Variants in AGPAT3 observed in about 807,000 individuals in gnomAD.
The protein encoded by AGPAT3 is 1-acylglycerol-3-phosphate O-acyltransferase 3, also known as 1-acyl-sn-glycerol-3-phosphate acyltransferase gamma.
AGPAT3 carries 5 observed loss-of-function variants against 47.3 expected under a neutral mutation model. The observed-to-expected ratio is 0.11, with a 90% confidence interval of 0.06 to 0.22. AGPAT3 has a LOEUF of 0.22. Among genes scored for constraint, AGPAT3 ranks in the 10% least tolerant of loss-of-function variants. The pLI is 1.00. For synonymous variants in AGPAT3, 212 were observed against 208.3 expected (o/e 1.02, Z -0.15); for missense variants, 315 against 493.0 (o/e 0.64, Z 3.42).
At chr21:43,960,737 G>C (rs534126551) in intron 3 of AGPAT3, 3 of 985,328 alleles carry the variant, frequency 3.0e-6, no homozygotes, top group Admixed American at 1.2e-4. Context: ...CATCTTGCCC[G>C]TACAGTTTTA....
At position 43,984,230 on chromosome 21, in the gene AGPAT3, C is replaced by G. The variant is rs1012786500; in HGVS notation, c.*1838C>G. ...TCATCCCTCCACCCGCCCACTCGGGCAGCTGTGCCGTGGGCAGGGCATGCG... is the reference window on the plus strand; with the variant it reads ...TCATCCCTCCACCCGCCCACTCGGGGAGCTGTGCCGTGGGCAGGGCATGCG... On this transcript the variant is annotated 3_prime_UTR_variant, in exon 10 of 10. Transcript: ENST00000291572. 1 of 152,328 alleles carries G rather than the reference C, an allele frequency of 6.6e-6. No individual in the cohort carries two copies. The highest frequency in any genetic ancestry group is 2.4e-5 in the African/African-American group (1 of 41,472). The allele number at this position is 152,328 out of a possible 1,614,324, so 9.4% of individuals were successfully genotyped here.
chr21:43,940,309 G>A (rs572347961), intron 2 of AGPAT3, among the ~76,000 whole-genome samples: 28 of 152,366 alleles, frequency 1.8e-4, no homozygotes, highest in African/African-American at 6.3e-4. Flanking sequence ...GCTGGCGGTG[G>A]CTTTGGCCTA....
At chr21:43,956,626 C>T (rs1264298380) in intron 2 of AGPAT3, among the ~76,000 whole-genome samples, 1 of 152,210 alleles carries the variant, frequency 6.6e-6, no homozygotes, top group East Asian at 1.9e-4. Context: ...AGTACAACTC[C>T]TTAACCCCAC....
chr21:43,899,067 C>T lies in AGPAT3; in HGVS notation c.-111-4890C>T, dbSNP rs74694587. The stretch of plus-strand genomic sequence containing the variant: ...CACACTTGCCGCTCTCTTTCCTTTA[C>T]GTTTTGCATCTCAGACTTCCCATCT... On this transcript the variant is annotated intron_variant, in intron 1 of 9. Transcript: ENST00000291572. 9.0e-3 allele frequency among the ~76,000 whole-genome samples: 1,370 copies of T among 152,298 alleles called. 23 individuals carry two copies. The highest frequency in any genetic ancestry group is 0.031 in the African/African-American group (1,283 of 41,558).
intron 2 of AGPAT3, among the ~76,000 whole-genome samples, chr21:43,911,329 A>T (rs1307945399): frequency 6.6e-6 from 1 of 152,258 alleles, no homozygotes; most frequent in Non-Finnish European, 1.5e-5. Context: ...GTCTACTAGA[A>T]CCCGAGTGTG....
chr21:43,867,859 G>C (rs1161446015), intron 1 of AGPAT3: 1 of 152,116 alleles, frequency 6.6e-6, no homozygotes, highest in Non-Finnish European at 1.5e-5. Context: ...AATTTCATGG[G>C]AATTTACTTT....
intron 2 of AGPAT3, among the ~76,000 whole-genome samples, chr21:43,921,102 G>C (rs1410222184): frequency 6.6e-6 from 1 of 152,190 alleles, no homozygotes; most frequent in African/African-American, 2.4e-5. Context: ...AACAGAGCAA[G>C]ACTCTGCCTC....
intron 2 of AGPAT3, 115 bp from the exon 3 acceptor site, chr21:43,959,519 G>T: frequency 1.1e-6 from 1 of 892,114 alleles, no homozygotes; most frequent in Non-Finnish European, 1.7e-6. Flanking sequence ...GTGCTGTGCA[G>T]CATGTGTGTA....
intron 1 of AGPAT3, among the ~76,000 whole-genome samples, chr21:43,894,784 C>T (rs148810208): frequency 2.2e-4 from 33 of 152,162 alleles, no homozygotes; most frequent in African/African-American, 7.0e-4. Context: ...GGAATTTGTC[C>T]ATTTAACTTT....
At chr21:43,944,329 G>A (rs73906678) in intron 2 of AGPAT3, among the ~76,000 whole-genome samples, 1 of 152,240 alleles carries the variant, frequency 6.6e-6, no homozygotes, top group Non-Finnish European at 1.5e-5. Flanking sequence ...GGGGCCACAC[G>A]TCCCTCCCCC....
intron 1 of AGPAT3, among the ~76,000 whole-genome samples, chr21:43,883,372 T>C (rs1409652687): frequency 6.6e-6 from 1 of 152,208 alleles, no homozygotes; most frequent in Admixed American, 6.5e-5. Context: ...TCTGAGCCTC[T>C]TGGACAACAT....
intron 1 of AGPAT3, among the ~76,000 whole-genome samples, chr21:43,899,158 G>A (rs2086294966): frequency 1.6e-5 from 1 of 62,918 alleles, no homozygotes; most frequent in Non-Finnish European, 2.7e-5. Context: ...TGTGCTGGTG[G>A]CGAACCCGCC....
At chr21:43,887,016 C>T (rs1207651378) in intron 1 of AGPAT3, among the ~76,000 whole-genome samples, 3 of 152,194 alleles carry the variant, frequency 2.0e-5, no homozygotes, top group Admixed American at 1.3e-4. Flanking sequence ...TGAGGAACCT[C>T]CAAACTGCTC....
Position 43,908,690 on chromosome 21 carries a change from T to C in AGPAT3, c.-49+4671T>C, listed in dbSNP as rs958777006. Among the ~76,000 whole-genome samples, 2 of 152,196 alleles carry C rather than the reference T, an allele frequency of 1.3e-5. No individual in the cohort carries two copies. Among genetic ancestry groups the C allele is most frequent in the African/African-American group, 4.8e-5 (2 of 41,446 alleles). On this transcript the variant is annotated intron_variant, in intron 2 of 9. Coordinates refer to ENST00000291572, the MANE Select transcript of AGPAT3 (RefSeq NM_020132.5). The surrounding 1 kb of genome is among the most constrained non-coding windows in gnomAD (Gnocchi z 4.9). ...TGAAATGCCAGCAGCTTCTAAAACC[T>C]TTGGGTTCTTTAAGAAAAGGCTAAT...
intron 2 of AGPAT3, among the ~76,000 whole-genome samples, chr21:43,914,608 G>A (rs974497276): frequency 2.6e-5 from 4 of 152,010 alleles, no homozygotes; most frequent in African/African-American, 7.3e-5. Flanking sequence ...GGAGTGCAGT[G>A]GTGCGATCTT....
In AGPAT3 at chr21:43,920,600, C is replaced by T. The variant is rs921587982; in HGVS notation, c.-49+16581C>T. Among the ~76,000 whole-genome samples the T allele has an allele frequency of 9.2e-5, 14 of 152,146 alleles. No individual in the cohort carries two copies. Among genetic ancestry groups the T allele is most frequent in the African/African-American group, 2.7e-4 (11 of 41,508 alleles). On this transcript the variant is annotated intron_variant, in intron 2 of 9. Transcript: ENST00000291572. This position sits in a 1 kb window ranked among gnomAD's most constrained non-coding sequence, Gnocchi z 6.1. ...GGACCTCTGGGGAGGGGAGGGAGCC[C>T]GCAGAGGTGGAGTGGATCACCAGTG...
chr21:43,976,317 G>A (rs2089620205), intron 7 of AGPAT3, among the ~76,000 whole-genome samples: 1 of 143,342 alleles, frequency 7.0e-6, no homozygotes, highest in Non-Finnish European at 1.5e-5. Flanking sequence ...TGCCTGCCTT[G>A]GCCTCTCGAG....
intron 3 of AGPAT3, among the ~76,000 whole-genome samples, chr21:43,962,945 G>A (rs2088946882): frequency 1.3e-5 from 2 of 151,970 alleles, no homozygotes; most frequent in Admixed American, 1.3e-4. Context: ...CTCTCAGTGA[G>A]AACTGTAGAT....
chr21:43,917,330 G>A (rs2086755031), intron 2 of AGPAT3, among the ~76,000 whole-genome samples: 1 of 152,154 alleles, frequency 6.6e-6, no homozygotes, highest in African/African-American at 2.4e-5. Context: ...CCTCCCTCCG[G>A]GTCTCTGCTG....
Sources: allele counts gnomAD v4.1 joint callset (sites outside exome capture counted in the v4.1 genomes callset), GRCh38; gene constraint gnomAD v4.1.1; non-coding constraint Gnocchi (gnomAD v3.1); transcripts MANE v1.5; gene names NCBI Gene and HGNC (gene_info 2026-07-23, HGNC 2026-07-21).